PLCE1: variants seen among roughly 807,000 people sequenced by gnomAD.
The protein encoded by PLCE1 is 1-phosphatidylinositol 4,5-bisphosphate phosphodiesterase epsilon-1.
In PLCE1, 119 loss-of-function variants were observed where a neutral mutation model predicts 242.8. The ratio of observed to expected loss-of-function variants is 0.49; its 90% CI spans 0.42 to 0.57. The LOEUF (loss-of-function observed/expected upper bound fraction) is 0.57, where lower values mean the gene tolerates loss of function less well. Ranked by LOEUF, PLCE1 falls within the 20% of genes least tolerant of loss-of-function variation. The pLI is 0.00. For missense variants in PLCE1, 2,441 were observed against 2,788.8 expected (o/e 0.88, Z 2.81); for synonymous variants, 945 against 1,017.4 (o/e 0.93, Z 1.35).
At chr10:94,074,729 C>T (rs1315559306) in intron 2 of PLCE1, among the ~76,000 whole-genome samples, 1 of 152,196 alleles carries the variant, frequency 6.6e-6, no homozygotes, top group African/African-American at 2.4e-5. Context: ...AACCAAAACC[C>T]ACTTAACTAA....
intron 18 of PLCE1, among the ~76,000 whole-genome samples, chr10:94,272,269 C>G (rs2051774596): frequency 6.6e-6 from 1 of 152,160 alleles, no homozygotes; most frequent in Non-Finnish European, 1.5e-5. Flanking sequence ...GAATGCAATT[C>G]TTTTCCTAGG....
chr10:94,126,660 G>T (rs2046445626), intron 2 of PLCE1, among the ~76,000 whole-genome samples: 2 of 152,330 alleles, frequency 1.3e-5, no homozygotes, highest in Middle Eastern at 3.4e-3. Context: ...TAGGGCAGTA[G>T]TCTGTCTAGT....
At chr10:94,304,419 A>G in intron 24 of PLCE1, 63 bp from the exon 25 acceptor site, 3 of 1,425,056 alleles carry the variant, frequency 2.1e-6, no homozygotes, top group Non-Finnish European at 3.0e-6. Context: ...TTCAATTTAT[A>G]AGGTGATACT....
At chr10:94,292,643 T>G (rs72814637) in intron 22 of PLCE1, among the ~76,000 whole-genome samples, 1 of 152,318 alleles carries the variant, frequency 6.6e-6, no homozygotes, top group East Asian at 1.9e-4. Context: ...CACTCCAAAG[T>G]CTATGCTCTT....
chr10:94,279,135 G>C (rs1337481077), intron 19 of PLCE1: 3 of 152,196 alleles, frequency 2.0e-5, no homozygotes, highest in Non-Finnish European at 4.4e-5. Flanking sequence ...TCTTAAGCTA[G>C]GTAGGTTCCC....
Position 94,324,971 on chromosome 10 carries a change from G to C in PLCE1, c.6800G>C (p.Arg2267Pro). 2 of 1,614,108 alleles carry C rather than the reference G, an allele frequency of 1.2e-6. No individual in the cohort carries two copies. The highest frequency in any genetic ancestry group is 1.7e-6 in the Non-Finnish European group (2 of 1,179,988). Reference sequence around the variant, plus strand: ...CTCACCAAGTCAACTAAACAGCCCCGAGGACTTACATCACCTTCTCAGCTC... The same window carrying C: ...CTCACCAAGTCAACTAAACAGCCCCCAGGACTTACATCACCTTCTCAGCTC... ...KKLTKSTKQPRGLTSPSQLLT... is the reference protein window; with the variant it reads ...KKLTKSTKQPPGLTSPSQLLT... The change falls in exon 32 of 33, where the codon CGA becomes CCA. Residue 2267 changes from arginine to proline, a missense_variant. Physicochemically the swap from Arg to Pro is moderately radical, Grantham distance 103 (BLOSUM62 -2). This residue lies in a region of PLCE1 where 310 missense variants were observed against 317.2 expected (regional missense o/e 0.98). Coordinates refer to ENST00000371380, the MANE Select transcript of PLCE1 (RefSeq NM_016341.4).
At chr10:94,281,155 C>G (rs1589467298) in intron 20 of PLCE1, among the ~76,000 whole-genome samples, 1 of 152,260 alleles carries the variant, frequency 6.6e-6, no homozygotes, top group East Asian at 1.9e-4. Context: ...GTTTTCTTCC[C>G]CATTACAGTT....
intron 28 of PLCE1, chr10:94,315,264 G>C (rs2053527200): frequency 5.4e-6 from 2 of 372,668 alleles, no homozygotes; most frequent in Admixed American, 3.4e-5. Flanking sequence ...ATCACATTCT[G>C]CTTTTCCTCC....
chr10:94,096,175 C>G (rs1440467645), intron 2 of PLCE1, among the ~76,000 whole-genome samples: 1 of 152,116 alleles, frequency 6.6e-6, no homozygotes, highest in Non-Finnish European at 1.5e-5. Flanking sequence ...ATTCCAGAAC[C>G]AGGATTTAGA....
intron 2 of PLCE1, among the ~76,000 whole-genome samples, chr10:94,126,645 C>T (rs979537695): frequency 1.3e-5 from 2 of 152,120 alleles, no homozygotes; most frequent in African/African-American, 4.8e-5. Flanking sequence ...AGATATTGGC[C>T]TATGTAGGGC....
chr10:94,119,466 T>C (rs1203651718), intron 2 of PLCE1, among the ~76,000 whole-genome samples: 1 of 152,170 alleles, frequency 6.6e-6, no homozygotes, highest in Non-Finnish European at 1.5e-5. Flanking sequence ...CTCAAAAGGT[T>C]CCTGTTTATC....
chr10:94,031,643 C>T lies in PLCE1; in HGVS notation c.597C>T (p.Asp199=). 1 of 1,613,730 alleles carries T rather than the reference C, an allele frequency of 6.2e-7. No homozygotes were observed. The highest frequency in any genetic ancestry group is 8.5e-7 in the Non-Finnish European group (1 of 1,179,818). ...ATGAAGTTGACAGAAGAATGTCAGACACTTTCTGTACCCTATCAGAAAACT... is the reference window on the plus strand; with the variant it reads ...ATGAAGTTGACAGAAGAATGTCAGATACTTTCTGTACCCTATCAGAAAACT... The part of the protein sequence containing the change: ...FHYEVDRRMS[D]TFCTLSENLI... Residue 199 remains aspartate, a synonymous_variant, in exon 2 of 33, where the codon GAC becomes GAT. Transcript: ENST00000371380.
intron 23 of PLCE1, among the ~76,000 whole-genome samples, chr10:94,296,872 C>A (rs11187844): frequency 0.12 from 17,979 of 151,802 alleles, 1,157 homozygotes; most frequent in East Asian, 0.25. Context: ...CTTTTTATTT[C>A]TTTCTTTCTT....
At chr10:94,005,208 G>A (rs2061009678) in intron 1 of PLCE1, among the ~76,000 whole-genome samples, 2 of 152,216 alleles carry the variant, frequency 1.3e-5, no homozygotes, top group South Asian at 4.1e-4. Context: ...TGTACAAGGA[G>A]AGACAGCAAA....
At chr10:94,304,861 C>A (rs984218509) in intron 25 of PLCE1, among the ~76,000 whole-genome samples, 7 of 152,126 alleles carry the variant, frequency 4.6e-5, no homozygotes, top group East Asian at 1.9e-4. Context: ...AGGAGCAGGG[C>A]ATATGAGGTC....
intron 2 of PLCE1, among the ~76,000 whole-genome samples, chr10:94,071,493 TCG>T (rs1321378007): frequency 9.0e-5 from 12 of 133,906 alleles, no homozygotes; most frequent in African/African-American, 3.8e-4. Flanking sequence ...TGTTTGGTTT[TCG>T]TTTTTTTTTT....
intron 2 of PLCE1, among the ~76,000 whole-genome samples, chr10:94,073,937 G>T (rs2044430252): frequency 6.6e-6 from 1 of 152,150 alleles, no homozygotes; most frequent in Admixed American, 6.5e-5. Flanking sequence ...AATTAATCAT[G>T]ATCAATGAGG....
chr10:94,133,854 A>G (rs2046683771), intron 3 of PLCE1, among the ~76,000 whole-genome samples: 1 of 152,062 alleles, frequency 6.6e-6, no homozygotes, highest in Non-Finnish European at 1.5e-5. Context: ...GCCCTCATGG[A>G]ATTTATAGTC....
chr10:94,225,462 C>G (rs1314302299), intron 4 of PLCE1: 1 of 152,130 alleles, frequency 6.6e-6, no homozygotes, highest in Non-Finnish European at 1.5e-5. Context: ...CACTTGAGGT[C>G]AGGAGTTCAA....
Sources: gnomAD v4.1 joint callset for allele counts (sites outside exome capture counted in the v4.1 genomes callset) on GRCh38, gnomAD v4.1.1 for gene constraint, gnomAD v4.1.1 regional missense constraint, MANE v1.5 for transcripts, NCBI Gene and HGNC (gene_info 2026-07-23, HGNC 2026-07-21) for gene names.